Variants in DCAF8L2 observed in about 807,000 individuals in gnomAD.
DCAF8L2 encodes DDB1 and CUL4 associated factor 8 like 2.
For synonymous variants in DCAF8L2, 200 were observed against 190.9 expected, an observed-to-expected ratio of 1.05 and a Z score of -0.39; for missense variants, 430 against 490.7, an observed-to-expected ratio of 0.88 and a Z score of 1.17.
chrX:27,696,268 GAGAAAGAAAGAAAGAAAGAA>G lies in DCAF8L2; in HGVS notation c.-143+18402_-143+18421del, dbSNP rs565370286. Among the ~76,000 whole-genome samples the G allele has an allele frequency of 6.9e-3, 515 of 74,836 alleles. 7 individuals carry two copies. The highest frequency in any genetic ancestry group is 0.021 in the South Asian group (24 of 1,145). The allele number at this position is 74,836 out of a possible 115,157, so 65.0% of individuals were successfully genotyped here. ...AAGAAGGAAGGAAGGAAGAGAGAGA[GAGAAAGAAAGAAAGAAAGAA>G]AGAAAGAAAGAAAGAAAGAAAGAAA... On this transcript the variant is annotated intron_variant, in intron 3 of 4. Transcript: ENST00000451261.
At chrX:27,547,891 T>TTCTCTCTCTCTCTC in the DCAF8L2 span, among the ~76,000 whole-genome samples, 12 of 57,179 alleles carry the variant, frequency 2.1e-4, 1 homozygote, top group African/African-American at 5.9e-4. Flanking sequence ...CTCTCTCTCT[T>TTCTCTCTCTCTCTC]TCTCTCTCTC....
At chrX:27,469,075 T>C in the DCAF8L2 span, among the ~76,000 whole-genome samples, 2 of 111,864 alleles carry the variant, frequency 1.8e-5, no homozygotes, top group African/African-American at 6.5e-5. Flanking sequence ...GTACTAGCTG[T>C]GCGCATGGCT....
At chrX:27,505,337 T>C in the DCAF8L2 span, among the ~76,000 whole-genome samples, 1 of 111,823 alleles carries the variant, frequency 8.9e-6, no homozygotes, top group East Asian at 2.8e-4. Context: ...GGCGTTGATA[T>C]GTGATTTGCC....
At chrX:27,609,924 C>T (rs111491304) in intron 1 of DCAF8L2, among the ~76,000 whole-genome samples, 1 of 111,556 alleles carries the variant, frequency 9.0e-6, no homozygotes, top group Non-Finnish European at 1.9e-5. Flanking sequence ...CTATTACAAA[C>T]CTCTTCGTTA....
chrX:27,691,234 C>T (rs1930700211), intron 3 of DCAF8L2, among the ~76,000 whole-genome samples: 1 of 111,517 alleles, frequency 9.0e-6, no homozygotes, highest in African/African-American at 3.2e-5. Context: ...TGATTTTATA[C>T]TATAAATTAT....
chrX:27,540,626 G>A, the DCAF8L2 span, among the ~76,000 whole-genome samples: 1 of 111,636 alleles, frequency 9.0e-6, no homozygotes, highest in African/African-American at 3.3e-5. Flanking sequence ...AGTACAATTA[G>A]ATAGGAGGAA....
In DCAF8L2 at chrX:27,710,320, A is replaced by G. The variant is rs766784087; in HGVS notation, c.-142-5768A>G. Among the ~76,000 whole-genome samples the G allele has an allele frequency of 9.0e-5, 10 of 111,631 alleles. No individual in the cohort carries two copies. The East Asian group carries it at 2.8e-3, about 31-fold the overall frequency. ...TAAAATCAATTTTCCAATTTCTATAAATTTTTAAAACTTCTGAAATTTTGG... is the reference window on the plus strand; with the variant it reads ...TAAAATCAATTTTCCAATTTCTATAGATTTTTAAAACTTCTGAAATTTTGG... On this transcript the variant is annotated intron_variant, in intron 3 of 4. Coordinates refer to ENST00000451261, the MANE Select transcript of DCAF8L2 (RefSeq NM_001353450.2).
rs777425658 is a variant in DCAF8L2, at chrX:27,614,849, T to A, written c.-341-17030T>A. Among the ~76,000 whole-genome samples, 5 of 111,476 alleles carry A rather than the reference T, an allele frequency of 4.5e-5. No homozygotes were observed. In the South Asian group the frequency reaches 1.1e-3, roughly 25 times the overall value. The stretch of plus-strand genomic sequence containing the variant: ...GTTGTGATTTCCATTCTTTTACATT[T>A]GCTAAGGAGTGCTTTATTTCCAACT... On this transcript the variant is annotated intron_variant, in intron 1 of 4. Coordinates refer to ENST00000451261, the MANE Select transcript of DCAF8L2 (RefSeq NM_001353450.2).
intron 2 of DCAF8L2, among the ~76,000 whole-genome samples, chrX:27,670,174 TTTTG>T (rs147859168): frequency 0.45 from 47,283 of 105,168 alleles, 8,400 homozygotes; most frequent in Middle Eastern, 0.55. Flanking sequence ...TTGGTTTTAT[TTTTG>T]TTTGTTTGTT....
the DCAF8L2 span, among the ~76,000 whole-genome samples, chrX:27,554,905 A>T: frequency 9.0e-6 from 1 of 111,633 alleles, no homozygotes; most frequent in Non-Finnish European, 1.9e-5. Flanking sequence ...CTACACATTC[A>T]GTTGTGCCAG....
At chrX:27,527,992 T>C in the DCAF8L2 span, among the ~76,000 whole-genome samples, 1 of 34,839 alleles carries the variant, frequency 2.9e-5, no homozygotes, top group African/African-American at 1.4e-4. Flanking sequence ...ATTTAATTAA[T>C]TATTAAATTA....
At chrX:27,670,528 T>G (rs1602718214) in intron 2 of DCAF8L2, among the ~76,000 whole-genome samples, 1 of 111,561 alleles carries the variant, frequency 9.0e-6, no homozygotes, top group South Asian at 3.8e-4. Context: ...TGACGGGTGC[T>G]GATAGAATTG....
chrX:27,701,521 C>A (rs971818752), intron 3 of DCAF8L2, among the ~76,000 whole-genome samples: 1 of 110,610 alleles, frequency 9.0e-6, no homozygotes, highest in African/African-American at 3.3e-5. Context: ...AATATATGAT[C>A]TCTTACTAAA....
chrX:27,685,553 A>G (rs1047648395), intron 3 of DCAF8L2, among the ~76,000 whole-genome samples: 5 of 112,089 alleles, frequency 4.5e-5, no homozygotes, highest in Admixed American at 9.5e-5. Flanking sequence ...CTAGATCCCT[A>G]TCGCTCACTA....
intron 1 of DCAF8L2, among the ~76,000 whole-genome samples, chrX:27,598,364 C>G (rs939343746): frequency 4.5e-5 from 5 of 112,329 alleles, no homozygotes; most frequent in Non-Finnish European, 9.4e-5. Flanking sequence ...ACCCAACCCC[C>G]CCGAGGGGAT....
the DCAF8L2 span, among the ~76,000 whole-genome samples, chrX:27,496,891 A>G: frequency 8.9e-6 from 1 of 112,493 alleles, no homozygotes; most frequent in Non-Finnish European, 1.9e-5. Context: ...GGAACAATCT[A>G]TTGATGCATA....
chrX:27,743,461 G>A (rs766818462), intron 4 of DCAF8L2, among the ~76,000 whole-genome samples: 1 of 110,125 alleles, frequency 9.1e-6, no homozygotes, highest in Non-Finnish European at 1.9e-5. Context: ...GCAGTGGCGC[G>A]ACCTCAGCTC....
At chrX:27,585,048 T>A in the DCAF8L2 span, among the ~76,000 whole-genome samples, 12 of 79,775 alleles carry the variant, frequency 1.5e-4, no homozygotes, top group Non-Finnish European at 2.6e-4. Context: ...TGAAAAACAA[T>A]ATTGTTTTTT....
chrX:27,556,820 C>T, the DCAF8L2 span, among the ~76,000 whole-genome samples: 1 of 112,038 alleles, frequency 8.9e-6, no homozygotes, highest in Admixed American at 9.5e-5. Flanking sequence ...TGGGACAGGT[C>T]ATCCGTGCTT....
Sources: gnomAD v4.1 joint callset for allele counts (sites outside exome capture counted in the v4.1 genomes callset) on GRCh38, gnomAD v4.1.1 for gene constraint, MANE v1.5 for transcripts, NCBI Gene and HGNC (gene_info 2026-07-23, HGNC 2026-07-21) for gene names.